The following RYR2 variants were observed in gnomAD, a reference collection of about 807,000 sequenced individuals.
RYR2 encodes ryanodine receptor 2.
Under a neutral mutation model 601.1 loss-of-function variants are expected in RYR2, and 227 were observed. The ratio of observed to expected loss-of-function variants is 0.38; its 90% CI spans 0.34 to 0.42. The LOEUF is 0.42. Ranked by LOEUF, RYR2 falls within the 10% of genes least tolerant of loss-of-function variation. The pLI is 1.00. For synonymous variants in RYR2, 2,223 were observed against 2,175.1 expected, an observed-to-expected ratio of 1.02 and a Z score of -0.61; for missense variants, 4,646 against 6,156.5, an observed-to-expected ratio of 0.75 and a Z score of 8.21.
At chr1:237,134,064 T>C (rs981401918) in intron 1 of RYR2, among the ~76,000 whole-genome samples, 1 of 152,108 alleles carries the variant, frequency 6.6e-6, no homozygotes, top group Non-Finnish European at 1.5e-5. Context: ...CTCACTAGGA[T>C]GACTTCTGAA....
At chr1:237,592,903 C>T (rs988938275) in intron 32 of RYR2, among the ~76,000 whole-genome samples, 1 of 151,716 alleles carries the variant, frequency 6.6e-6, no homozygotes, top group African/African-American at 2.4e-5. Context: ...CACCTGTAGT[C>T]CCAGCTACTC....
At chr1:237,435,114 A>G (rs1160603916) in intron 12 of RYR2, among the ~76,000 whole-genome samples, 1 of 152,152 alleles carries the variant, frequency 6.6e-6, no homozygotes, top group Non-Finnish European at 1.5e-5. Flanking sequence ...TATTATTTTT[A>G]TCTGGATTTT....
intron 2 of RYR2, among the ~76,000 whole-genome samples, chr1:237,305,244 T>G (rs1298503591): frequency 6.6e-6 from 1 of 152,164 alleles, no homozygotes; most frequent in East Asian, 1.9e-4. Context: ...AGCAGCAGAC[T>G]GCAGAAGAAA....
In RYR2 at chr1:237,639,146, G is replaced by A. The variant is rs773070579; in HGVS notation, c.7060G>A (p.Ala2354Thr). ...LAAMEEAIKI[A>T]EDPSRDGPSP... ...AGCAATGGAAGAAGCCATCAAAATC[G>A]CCGAGGATCCTTCCCGAGATGGTCC... Residue 2354 changes from alanine (A) to threonine (T), a missense_variant, in exon 46 of 105, where the codon GCC becomes ACC. Transcript: ENST00000366574. 47 of 1,613,716 alleles carry A rather than the reference G, an allele frequency of 2.9e-5. No individual in the cohort carries two copies. Among genetic ancestry groups the A allele is most frequent in the East Asian group, 8.9e-5 (4 of 44,882 alleles).
intron 79 of RYR2, among the ~76,000 whole-genome samples, chr1:237,739,590 T>C (rs934053588): frequency 3.9e-5 from 6 of 152,230 alleles, no homozygotes; most frequent in South Asian, 2.1e-4. Flanking sequence ...CCTTCTCTTA[T>C]TAACTTTTTA....
chr1:237,461,140 A>G (rs1282513952), intron 16 of RYR2, among the ~76,000 whole-genome samples: 1 of 152,244 alleles, frequency 6.6e-6, no homozygotes. Flanking sequence ...GGAAAATGGC[A>G]GGAACAAAGT....
intron 31 of RYR2, 37 bp from the exon 32 acceptor site, chr1:237,591,702 T>C: frequency 6.6e-7 from 1 of 1,513,414 alleles, no homozygotes; most frequent in Non-Finnish European, 9.1e-7. Context: ...CAGAACATTT[T>C]AATGTTGCTT....
At chr1:237,650,926 A>G (rs990357218) in intron 50 of RYR2, among the ~76,000 whole-genome samples, 14 of 152,372 alleles carry the variant, frequency 9.2e-5, no homozygotes, top group Middle Eastern at 6.8e-3. Context: ...GAGGTAAAAC[A>G]CTTGCTGTTG....
chr1:237,553,899 C>A (rs1279952636), intron 27 of RYR2, among the ~76,000 whole-genome samples: 1 of 151,820 alleles, frequency 6.6e-6, no homozygotes, highest in Non-Finnish European at 1.5e-5. Context: ...ATTTATATGT[C>A]AGTTCTATTT....
intron 2 of RYR2, among the ~76,000 whole-genome samples, chr1:237,303,292 C>CTTT (rs386370109): frequency 0.011 from 971 of 85,238 alleles, 62 homozygotes; most frequent in African/African-American, 0.026. Flanking sequence ...CTGCGGTTAT[C>CTTT]TTTTTTTTTT....
At chr1:237,310,325 G>T (rs555686137) in intron 2 of RYR2, among the ~76,000 whole-genome samples, 1 of 152,190 alleles carries the variant, frequency 6.6e-6, no homozygotes, top group Admixed American at 6.6e-5. Flanking sequence ...TAAAAACTTG[G>T]GTCCCCAATT....
At chr1:237,300,423 G>T (rs879670741) in intron 2 of RYR2, among the ~76,000 whole-genome samples, 1 of 152,108 alleles carries the variant, frequency 6.6e-6, no homozygotes, top group South Asian at 2.1e-4. Flanking sequence ...GGACTATACC[G>T]TACTTCCTTT....
chr1:237,374,861 G>C (rs1700901767), intron 7 of RYR2, 66 bp downstream of exon 7: 1 of 1,239,774 alleles, frequency 8.1e-7, no homozygotes, highest in Non-Finnish European at 1.2e-6. Context: ...ATTGGAAGAA[G>C]CCGGGAAATA....
intron 1 of RYR2, among the ~76,000 whole-genome samples, chr1:237,259,753 G>C (rs961121): frequency 6.6e-6 from 1 of 152,008 alleles, no homozygotes; most frequent in Non-Finnish European, 1.5e-5. Context: ...TCACAGAACC[G>C]TAAAATGTGA....
At chr1:237,172,499 A>ATTT (rs71561861) in intron 1 of RYR2, among the ~76,000 whole-genome samples, 2 of 147,904 alleles carry the variant, frequency 1.4e-5, no homozygotes, top group African/African-American at 4.9e-5. Flanking sequence ...TACCTGTTTG[A>ATTT]TTTTTTTTTT....
At chr1:237,773,885 A>ACCT (rs1694453074) in intron 87 of RYR2, among the ~76,000 whole-genome samples, 3 of 152,212 alleles carry the variant, frequency 2.0e-5, no homozygotes, top group South Asian at 4.1e-4. Flanking sequence ...GCTCTATTGT[A>ACCT]CCTCCAGGGC....
chr1:237,518,156 T>C (rs1666742994), intron 24 of RYR2, among the ~76,000 whole-genome samples: 1 of 152,174 alleles, frequency 6.6e-6, no homozygotes, highest in East Asian at 1.9e-4. Context: ...CACCCTATGC[T>C]AACCTAGTCT....
In RYR2 at chr1:237,610,651, T is replaced by A; in HGVS notation, c.4684-111T>A. The A allele has an allele frequency of 2.3e-6, 2 of 875,194 alleles. No homozygotes were observed. The highest frequency in any genetic ancestry group is 1.7e-6 in the Non-Finnish European group (1 of 572,940). 54.2% of individuals were successfully genotyped at this position (875,194 alleles called of 1,614,324 possible). A position where few individuals can be genotyped will look rare whatever the true frequency, so the allele number is the denominator to read the frequency against. On this transcript the variant is annotated intron_variant, in intron 35 of 104. Transcript: ENST00000366574. This position sits in a 1 kb window ranked among gnomAD's most constrained non-coding sequence, Gnocchi z 4.9. ...TCTTGTGTTGACTTTGCTTGACTCA[T>A]AGGGTTATCTTACTTTCCCTGTCTC...
At chr1:237,142,098 C>T (rs1282986032) in intron 1 of RYR2, among the ~76,000 whole-genome samples, 1 of 152,348 alleles carries the variant, frequency 6.6e-6, no homozygotes, top group East Asian at 1.9e-4. Flanking sequence ...GCCCCCATTG[C>T]CCTGACTGCC....
Sources: allele counts gnomAD v4.1 joint callset (sites outside exome capture counted in the v4.1 genomes callset), GRCh38; gene constraint gnomAD v4.1.1; non-coding constraint Gnocchi (gnomAD v3.1); transcripts MANE v1.5; gene names NCBI Gene and HGNC (gene_info 2026-07-23, HGNC 2026-07-21).